The following PAPPA variants were observed in gnomAD, a reference collection of about 807,000 sequenced individuals.
PAPPA encodes the protein pappalysin-1.
PAPPA carries 60 observed loss-of-function variants against 164.0 expected under a neutral mutation model. The ratio of observed to expected loss-of-function variants is 0.37; its 90% CI spans 0.30 to 0.45. The LOEUF (loss-of-function observed/expected upper bound fraction) is 0.45, where lower values mean the gene tolerates loss of function less well. PAPPA is among the 20% of genes least tolerant of loss of function. The pLI, the probability that PAPPA is intolerant of heterozygous loss-of-function variation, is 1.00. For synonymous variants in PAPPA, 875 were observed against 814.1 expected (o/e 1.07, Z -1.27); for missense variants, 1,782 against 2,087.3 (o/e 0.85, Z 2.85).
intron 7 of PAPPA, among the ~76,000 whole-genome samples, chr9:116,252,451 G>A (rs932256918): frequency 6.6e-6 from 1 of 152,200 alleles, no homozygotes; most frequent in East Asian, 1.9e-4. Context: ...TCTTGGCACT[G>A]AGTCCTCAGC....
chr9:116,226,842 A>T (rs1434333794), intron 5 of PAPPA, among the ~76,000 whole-genome samples: 3 of 152,234 alleles, frequency 2.0e-5, no homozygotes, highest in Admixed American at 6.5e-5. Flanking sequence ...AATGAATTAG[A>T]TGGCATGGTA....
chr9:116,248,826 G>A (rs1185602855), intron 7 of PAPPA, among the ~76,000 whole-genome samples: 1 of 152,090 alleles, frequency 6.6e-6, no homozygotes, highest in East Asian at 1.9e-4. Flanking sequence ...TAAACCCTGT[G>A]GTACATCAAT....
At position 116,335,085 on chromosome 9, in the gene PAPPA, C is replaced by T. The variant is rs376795237; in HGVS notation, c.3611+11C>T. On this transcript the variant is annotated intron_variant, in intron 13 of 21. Transcript: ENST00000328252. ...CCCTGCCGAGCAGAGGTAAGGGATC[C>T]GCGGCAGACTCGCCCTAGGCCACTT... 1.4e-5 allele frequency: 22 copies of T among 1,607,356 alleles called. No homozygotes were observed. The highest frequency in any genetic ancestry group is 6.7e-5 in the African/African-American group (5 of 74,778).
At chr9:116,176,210 A>G (rs1843832977) in intron 1 of PAPPA, among the ~76,000 whole-genome samples, 1 of 152,212 alleles carries the variant, frequency 6.6e-6, no homozygotes, top group Non-Finnish European at 1.5e-5. Context: ...AGGAAATCTT[A>G]CCAGAGTCTG....
At chr9:116,261,306 C>T (rs987171941) in intron 7 of PAPPA, among the ~76,000 whole-genome samples, 2 of 152,134 alleles carry the variant, frequency 1.3e-5, no homozygotes, top group Middle Eastern at 3.4e-3. Context: ...TAAACGAATG[C>T]TATGATATAG....
intron 17 of PAPPA, among the ~76,000 whole-genome samples, 190 bp downstream of exon 17, chr9:116,353,983 T>C (rs142506611): frequency 6.6e-6 from 1 of 152,284 alleles, no homozygotes; most frequent in African/African-American, 2.4e-5. Context: ...ATTGGAACTT[T>C]TATGAAGGAA....
At chr9:116,289,421 C>CT in intron 9 of PAPPA, among the ~76,000 whole-genome samples, 1 of 141,820 alleles carries the variant, frequency 7.1e-6, no homozygotes, top group South Asian at 2.2e-4. Flanking sequence ...ATATATATAG[C>CT]ATATATATAT....
At position 116,164,579 on chromosome 9, in the gene PAPPA, G is replaced by C. The variant is rs74839647; in HGVS notation, c.415+9992G>C. On this transcript the variant is annotated intron_variant, in intron 1 of 21. Coordinates refer to ENST00000328252, the MANE Select transcript of PAPPA (RefSeq NM_002581.5). ...AGCGTACCACTAGTTGCTGAGACCTGTTATAGCCTTGTGTGTTTAGGAAGC... is the reference window on the plus strand; with the variant it reads ...AGCGTACCACTAGTTGCTGAGACCTCTTATAGCCTTGTGTGTTTAGGAAGC... Among the ~76,000 whole-genome samples, 1,171 of 152,286 alleles carry C rather than the reference G, an allele frequency of 7.7e-3. 18 individuals carry two copies. Among genetic ancestry groups the C allele is most frequent in the African/African-American group, 0.027 (1,129 of 41,548 alleles).
chr9:116,205,109 AGAG>A (rs1844217126), intron 2 of PAPPA, among the ~76,000 whole-genome samples: 1 of 148,662 alleles, frequency 6.7e-6, no homozygotes, highest in Non-Finnish European at 1.5e-5. Context: ...TTCCCCTAGG[AGAG>A]GTGGGGAAGA....
intron 7 of PAPPA, among the ~76,000 whole-genome samples, chr9:116,254,806 A>G (rs1417320289): frequency 6.7e-6 from 1 of 149,454 alleles, no homozygotes; most frequent in Non-Finnish European, 1.5e-5. Context: ...AAAAAAAGAG[A>G]GAAAGAAAGA....
intron 10 of PAPPA, among the ~76,000 whole-genome samples, chr9:116,330,743 T>C (rs1160190601): frequency 6.6e-6 from 1 of 152,200 alleles, no homozygotes; most frequent in Non-Finnish European, 1.5e-5. Context: ...TTTACAGATT[T>C]GTTCTAAAAT....
At chr9:116,198,515 T>C (rs1246025782) in intron 2 of PAPPA, among the ~76,000 whole-genome samples, 1 of 152,212 alleles carries the variant, frequency 6.6e-6, no homozygotes, top group Non-Finnish European at 1.5e-5. Flanking sequence ...CATCTGTAAT[T>C]CTGCCCTTTT....
chr9:116,335,715 G>C (rs1846053192), intron 13 of PAPPA, among the ~76,000 whole-genome samples: 1 of 152,052 alleles, frequency 6.6e-6, no homozygotes, highest in African/African-American at 2.4e-5. Context: ...ACGAGCTTTG[G>C]GAATACTCTT....
intron 21 of PAPPA, among the ~76,000 whole-genome samples, chr9:116,386,447 T>C (rs1846813179): frequency 6.6e-6 from 1 of 152,192 alleles, no homozygotes; most frequent in Admixed American, 6.5e-5. Flanking sequence ...TGCGAGACAC[T>C]TGGCCTCTGT....
intron 10 of PAPPA, among the ~76,000 whole-genome samples, chr9:116,325,617 C>T (rs1056844407): frequency 7.9e-5 from 12 of 152,152 alleles, no homozygotes; most frequent in African/African-American, 2.9e-4. Context: ...CTTTCAATTC[C>T]TCCAGGTGCT....
rs1254067580 is a variant in PAPPA, at chr9:116,154,155, C to CG, written c.-12dup. The CG allele has an allele frequency of 1.3e-5, 6 of 466,378 alleles. No individual in the cohort carries two copies. Among genetic ancestry groups the CG allele is most frequent in the African/African-American group, 3.8e-5 (1 of 26,214 alleles). 28.9% of individuals were successfully genotyped at this position (466,378 alleles called of 1,614,324 possible). On this transcript the variant is annotated 5_prime_UTR_variant, in exon 1 of 22. Coordinates refer to ENST00000328252, the MANE Select transcript of PAPPA (RefSeq NM_002581.5). This position sits in a 1 kb window ranked among gnomAD's most constrained non-coding sequence, Gnocchi z 5.2. ...TGGCGGTGCAGGGGCGAAGGGGGGGCGGGGGGAACCGTCGGACATGCGGCT... is the reference window on the plus strand; with the variant it reads ...TGGCGGTGCAGGGGCGAAGGGGGGGCGGGGGGGAACCGTCGGACATGCGGCT...
At chr9:116,367,801 A>AAT (rs1846522147) in intron 19 of PAPPA, 47 bp downstream of exon 19, 1 of 1,291,866 alleles carries the variant, frequency 7.7e-7, no homozygotes, top group African/African-American at 1.5e-5. Flanking sequence ...GGGGGAGGGA[A>AAT]ATGATATTGT....
At chr9:116,293,103 A>T (rs762544904) in intron 9 of PAPPA, among the ~76,000 whole-genome samples, 1 of 152,184 alleles carries the variant, frequency 6.6e-6, no homozygotes, top group Non-Finnish European at 1.5e-5. Context: ...GTGAGTATAG[A>T]AGCTAGACTG....
chr9:116,159,796 G>A (rs568719940), intron 1 of PAPPA, among the ~76,000 whole-genome samples: 8 of 152,324 alleles, frequency 5.3e-5, no homozygotes, highest in Admixed American at 1.3e-4. Flanking sequence ...TATGGAACTC[G>A]GGAGTGTGGG....
Sources: allele counts gnomAD v4.1 joint callset (sites outside exome capture counted in the v4.1 genomes callset), GRCh38; gene constraint gnomAD v4.1.1; non-coding constraint Gnocchi (gnomAD v3.1); transcripts MANE v1.5; gene names NCBI Gene and HGNC (gene_info 2026-07-23, HGNC 2026-07-21).